DYSF: variants seen among roughly 807,000 people sequenced by gnomAD.
DYSF encodes the protein dystrophy-associated fer-1-like 1.
A neutral mutation model predicts 274.9 loss-of-function variants in DYSF; 212 were observed. That is an observed-to-expected ratio of 0.77 (90% CI 0.69 to 0.86). The LOEUF (loss-of-function observed/expected upper bound fraction) is 0.86, where lower values mean the gene tolerates loss of function less well. Among genes scored for constraint, DYSF ranks in the 40% least tolerant of loss-of-function variants. The pLI, the probability that DYSF is intolerant of heterozygous loss-of-function variation, is 0.00. For synonymous variants in DYSF, 1,091 were observed against 1,078.7 expected, an observed-to-expected ratio of 1.01 and a Z score of -0.22; for missense variants, 2,666 against 2,783.2, an observed-to-expected ratio of 0.96 and a Z score of 0.95.
At chr2:71,527,300 G>A (rs4350773) in intron 13 of DYSF, among the ~76,000 whole-genome samples, 64,857 of 152,012 alleles carry the variant, frequency 0.43, 15,145 homozygotes, top group Non-Finnish European at 0.52. Context: ...TTGCAACTTG[G>A]GTCCCTGGTT....
intron 26 of DYSF, 56 bp from the exon 27 acceptor site, chr2:71,569,764 T>C (rs1428586862): frequency 1.6e-5 from 24 of 1,481,668 alleles, no homozygotes; most frequent in Non-Finnish European, 2.2e-5. Flanking sequence ...AGGTGGTAGA[T>C]GGATGGGGGC....
chr2:71,660,500 G>T, intron 44 of DYSF, 60 bp from the exon 45 acceptor site: 1 of 1,442,224 alleles, frequency 6.9e-7, no homozygotes, highest in Non-Finnish European at 9.8e-7. Flanking sequence ...AGGCACTCAT[G>T]AAGCCTCAAA....
chr2:71,511,994 G>C lies in DYSF; in HGVS notation c.460+73G>C, dbSNP rs532075110. 4.1e-5 allele frequency: 40 copies of C among 984,404 alleles called. No homozygotes were observed. The East Asian group carries it at 1.0e-3, about 26-fold the overall frequency. The allele number at this position is 984,404 out of a possible 1,614,324, so 61.0% of individuals were successfully genotyped here. A position where few individuals can be genotyped will look rare whatever the true frequency, so the allele number is the denominator to read the frequency against. On this transcript the variant is annotated intron_variant, in intron 5 of 55. Transcript: ENST00000410020. ...AGTGGCACTTGAGCCTGGGGGCTGG[G>C]AGCTGCAGCGAGGCTTCCCAGCCTT...
chr2:71,493,706 G>A (rs2084089435), intron 3 of DYSF, among the ~76,000 whole-genome samples: 1 of 152,010 alleles, frequency 6.6e-6, no homozygotes, highest in African/African-American at 2.4e-5. Flanking sequence ...ACAAAAATTA[G>A]CCAGGCATGA....
At chr2:71,528,521 G>A in intron 14 of DYSF, 120 bp downstream of exon 14, 2 of 854,528 alleles carry the variant, frequency 2.3e-6, no homozygotes, top group Non-Finnish European at 3.8e-6. Flanking sequence ...TGCACAAGGA[G>A]TGGCTGATCC....
intron 48 of DYSF, 33 bp downstream of exon 48, chr2:71,667,548 C>T (rs367780930): frequency 1.5e-5 from 24 of 1,613,168 alleles, no homozygotes; most frequent in East Asian, 6.7e-5. Flanking sequence ...CCAGAGTCCT[C>T]GAACTCCAGA....
rs1480750404 is a variant in DYSF at position 71,615,108 on chromosome 2, A to G, written c.4464+1698A>G. Among the ~76,000 whole-genome samples the G allele has an allele frequency of 6.6e-6, 1 of 152,030 alleles. No individual in the cohort carries two copies. Among genetic ancestry groups the G allele is most frequent in the Non-Finnish European group, 1.5e-5 (1 of 68,002 alleles). Reference sequence around the variant, plus strand: ...AAAATGTCTACACACTCAGATGGGGAGGGACTATTTTAGGTCCTGCTGGCC... The same window carrying G: ...AAAATGTCTACACACTCAGATGGGGGGGGACTATTTTAGGTCCTGCTGGCC... On this transcript the variant is annotated intron_variant, in intron 40 of 55. Transcript: ENST00000410020. The surrounding 1 kb of genome is among the most constrained non-coding windows in gnomAD (Gnocchi z 4.9).
intron 1 of DYSF, among the ~76,000 whole-genome samples, chr2:71,470,399 G>T (rs935559688): frequency 2.6e-5 from 4 of 152,154 alleles, no homozygotes; most frequent in Admixed American, 6.5e-5. Flanking sequence ...GCGGCCAGGC[G>T]TGGTGGCTCA....
intron 42 of DYSF, among the ~76,000 whole-genome samples, chr2:71,648,587 G>A (rs555785427): frequency 5.9e-5 from 9 of 152,164 alleles, no homozygotes; most frequent in South Asian, 2.1e-4. Flanking sequence ...AAAACCTTAC[G>A]GAAATGAAAG....
intron 1 of DYSF, among the ~76,000 whole-genome samples, chr2:71,457,715 A>G (rs1406527795): frequency 6.6e-6 from 1 of 152,096 alleles, no homozygotes; most frequent in Non-Finnish European, 1.5e-5. Context: ...ATCAGTCACC[A>G]GTTGATGCAG....
intron 32 of DYSF, among the ~76,000 whole-genome samples, chr2:71,592,441 A>G (rs1025829211): frequency 8.5e-5 from 13 of 152,358 alleles, no homozygotes; most frequent in African/African-American, 3.1e-4. Context: ...TGGAAAGGAA[A>G]ACAGCAGCCA....
rs924627248 is a variant in DYSF at position 71,542,066 on chromosome 2, C to T, written c.1576+2827C>T. 2.0e-5 allele frequency among the ~76,000 whole-genome samples: 3 copies of T among 152,242 alleles called. No homozygotes were observed. The South Asian group carries it at 6.2e-4, about 32-fold the overall frequency. The stretch of plus-strand genomic sequence containing the variant: ...GTGGGGAGAGCTCTAGCTCTCCAGC[C>T]CACCAACTTGGGTTCAAATGCTCTT... On this transcript the variant is annotated intron_variant, in intron 17 of 55. Coordinates refer to ENST00000410020, the MANE Select transcript of DYSF (RefSeq NM_001130987.2).
chr2:71,531,867 AG>A (rs1371459094), intron 14 of DYSF, among the ~76,000 whole-genome samples: 11 of 152,156 alleles, frequency 7.2e-5, no homozygotes, highest in Non-Finnish European at 4.4e-5. Context: ...TTAAAAAGTA[AG>A]GTGTCCTTCA....
chr2:71,539,290 C>G (rs374732312), intron 17 of DYSF, 51 bp downstream of exon 17: 652 of 1,483,780 alleles, frequency 4.4e-4, no homozygotes, highest in Non-Finnish European at 4.3e-4. Flanking sequence ...CTCCCCCGTA[C>G]CCCCTCTATC....
At chr2:71,485,978 C>T (rs968917841) in intron 3 of DYSF, among the ~76,000 whole-genome samples, 11 of 151,946 alleles carry the variant, frequency 7.2e-5, no homozygotes, top group African/African-American at 2.7e-4. Context: ...CGCGCCCAGC[C>T]CTTCAATGAG....
chr2:71,633,486 A>G (rs142799424), intron 41 of DYSF, among the ~76,000 whole-genome samples: 11 of 152,314 alleles, frequency 7.2e-5, no homozygotes, highest in African/African-American at 2.4e-4. Context: ...CAACAAGAAC[A>G]TTAATCATGG....
chr2:71,487,500 T>A (rs1036243360), intron 3 of DYSF, among the ~76,000 whole-genome samples: 3 of 152,206 alleles, frequency 2.0e-5, no homozygotes, highest in African/African-American at 7.2e-5. Context: ...GTTAGAGAGA[T>A]GCTGGCATTT....
rs760742569 is a variant in DYSF at position 71,679,086 on chromosome 2, C to G, written c.5914C>G (p.Pro1972Ala). ...CCTGCAGCTCGATCTCAACCGCATGCCCAAGCCAGCCAAGACAGCCAAGAA... is the reference window on the plus strand; with the variant it reads ...CCTGCAGCTCGATCTCAACCGCATGGCCAAGCCAGCCAAGACAGCCAAGAA... ...GSLQLDLNRM[P>A]KPAKTAKKCS... Residue 1972 changes from proline (P) to alanine (A), a missense_variant, in exon 53 of 56, where the codon CCC (proline) becomes GCC (alanine). By Grantham distance (27) the Pro-to-Ala change is conservative (BLOSUM62 -1). Around this residue, in one of 3 missense-constraint regions of DYSF, gnomAD observed 1,460 missense variants for 1,502.1 expected, o/e 0.97. Transcript: ENST00000410020. The G allele has an allele frequency of 1.9e-6, 3 of 1,614,004 alleles. No individual in the cohort carries two copies. The South Asian group carries it at 3.3e-5, about 18-fold the overall frequency.
intron 17 of DYSF, among the ~76,000 whole-genome samples, chr2:71,547,219 AC>A (rs1211516741): frequency 6.6e-6 from 1 of 152,244 alleles, no homozygotes; most frequent in Non-Finnish European, 1.5e-5. Context: ...GGACCTTCAC[AC>A]CCAGAGACTG....
Sources: allele counts gnomAD v4.1 joint callset (sites outside exome capture counted in the v4.1 genomes callset), GRCh38; gene constraint gnomAD v4.1.1; regional missense constraint gnomAD v4.1.1; non-coding constraint Gnocchi (gnomAD v3.1); transcripts MANE v1.5; gene names NCBI Gene and HGNC (gene_info 2026-07-23, HGNC 2026-07-21).